Variants in TRPM6 observed in about 807,000 individuals in gnomAD.
TRPM6 encodes the protein channel kinase 2.
In TRPM6, 111 loss-of-function variants were observed where a neutral mutation model predicts 247.6. The ratio of observed to expected loss-of-function variants is 0.45; its 90% CI spans 0.38 to 0.52. The LOEUF (loss-of-function observed/expected upper bound fraction) is 0.52. Among genes scored for constraint, TRPM6 ranks in the 20% least tolerant of loss-of-function variants. TRPM6 has a pLI of 0.00. For synonymous variants in TRPM6, 892 were observed against 853.8 expected, an observed-to-expected ratio of 1.04 and a Z score of -0.78; for missense variants, 2,126 against 2,421.5, an observed-to-expected ratio of 0.88 and a Z score of 2.56.
intron 8 of TRPM6, among the ~76,000 whole-genome samples, chr9:74,820,634 G>A (rs1368785586): frequency 6.6e-6 from 1 of 152,166 alleles, no homozygotes. Context: ...GGGCATGATG[G>A]CTCACACCTG....
At chr9:74,862,096 G>GAA (rs577562437) in intron 1 of TRPM6, among the ~76,000 whole-genome samples, 28,870 of 100,326 alleles carry the variant, frequency 0.29, 4,701 homozygotes, top group South Asian at 0.39. Context: ...AAAACTACCA[G>GAA]AAAAAAAAAA....
At position 74,722,613 on chromosome 9, in the gene TRPM6, G is replaced by C. The variant is rs1332827770; in HGVS notation, c.*2000C>G. 2 of 152,164 alleles carry C rather than the reference G, an allele frequency of 1.3e-5. No homozygotes were observed. Among genetic ancestry groups the C allele is most frequent in the Admixed American group, 1.3e-4 (2 of 15,284 alleles). 9.4% of individuals were successfully genotyped at this position (152,164 alleles called of 1,614,324 possible). On this transcript the variant is annotated 3_prime_UTR_variant, in exon 39 of 39. Transcript: ENST00000360774. The stretch of plus-strand genomic sequence containing the variant: ...CAAGCAAACTCTGCCTCTTTCCATA[G>C]TTGAGTGCAGCACTGAGGTGAGTAC...
In TRPM6 at chr9:74,774,882, C is replaced by T. The variant is rs376002441; in HGVS notation, c.3403+1001G>A. ...TCAATTCTCATCAGCCTTTTTTGGC[C>T]AAATGAGTCTTTCCCCAATTTGTGA... is the stretch of plus-strand genomic sequence containing the variant. On this transcript the variant is annotated intron_variant, in intron 24 of 38. Transcript: ENST00000360774. 6.8e-4 allele frequency among the ~76,000 whole-genome samples: 103 copies of T among 152,202 alleles called. 4 individuals carry two copies. The South Asian group carries it at 9.3e-3, about 14-fold the overall frequency.
In TRPM6 at chr9:74,803,811, G is replaced by T; in HGVS notation, c.1714C>A (p.Gln572Lys). The change falls in exon 15 of 39, where the codon CAG (glutamine) becomes AAG (lysine). Residue 572 changes from glutamine to lysine, a missense_variant. By Grantham distance (53) the Gln-to-Lys change is moderately conservative (BLOSUM62 1). Transcript: ENST00000360774. ...AATGGTACCTTGAATTTGTATGGCT[G>T]TGCAGTTCTAATGAACTGGGAGTGC... ...TLHSQFIRTA[Q>K]PYKFKEKSIV... 6.2e-7 allele frequency: 1 copy of T among 1,609,878 alleles called. No homozygotes were observed. The highest frequency in any genetic ancestry group is 8.5e-7 in the Non-Finnish European group (1 of 1,176,102).
chr9:74,739,300 T>TG, intron 35 of TRPM6, 67 bp downstream of exon 35: 1 of 1,366,302 alleles, frequency 7.3e-7, no homozygotes, highest in Non-Finnish European at 1.0e-6. Flanking sequence ...TCATGAGTAA[T>TG]GGGCTGAGAA....
chr9:74,731,503 T>C (rs1312518971), intron 37 of TRPM6, among the ~76,000 whole-genome samples: 1 of 151,888 alleles, frequency 6.6e-6, no homozygotes, highest in Non-Finnish European at 1.5e-5. Context: ...TCACCTTTAT[T>C]TTCTCTAGTT....
intron 36 of TRPM6, among the ~76,000 whole-genome samples, chr9:74,738,012 T>A (rs1825748040): frequency 6.6e-6 from 1 of 152,196 alleles, no homozygotes; most frequent in Non-Finnish European, 1.5e-5. Context: ...AGCTAAATTA[T>A]AAATTGCTAA....
At chr9:74,820,867 G>A (rs915426495) in intron 8 of TRPM6, among the ~76,000 whole-genome samples, 7 of 152,102 alleles carry the variant, frequency 4.6e-5, no homozygotes, top group Admixed American at 2.6e-4. Flanking sequence ...AGAAATTATA[G>A]GTATTATATT....
At chr9:74,760,166 T>TA (rs1826575269) in intron 27 of TRPM6, among the ~76,000 whole-genome samples, 1 of 152,190 alleles carries the variant, frequency 6.6e-6, no homozygotes, top group South Asian at 2.1e-4. Context: ...AAGTCTACAG[T>TA]AGTATACAGT....
intron 1 of TRPM6, among the ~76,000 whole-genome samples, chr9:74,876,024 T>C (rs1419066363): frequency 1.3e-5 from 2 of 152,212 alleles, no homozygotes; most frequent in Non-Finnish European, 2.9e-5. Context: ...GAAAGATGTT[T>C]TCATATTCAA....
At chr9:74,869,221 A>C (rs1830949257) in intron 1 of TRPM6, among the ~76,000 whole-genome samples, 1 of 152,156 alleles carries the variant, frequency 6.6e-6, no homozygotes, top group South Asian at 2.1e-4. Flanking sequence ...CTGTAATCCC[A>C]GCACTTTGGG....
In TRPM6 at chr9:74,878,833, G is replaced by A. The variant is rs145471289; in HGVS notation, c.33+8991C>T. Among the ~76,000 whole-genome samples the A allele has an allele frequency of 2.5e-3, 383 of 152,168 alleles. 7 individuals are homozygous for A. The highest frequency in any genetic ancestry group is 8.6e-3 in the African/African-American group (357 of 41,522). The stretch of plus-strand genomic sequence containing the variant: ...AAATCAAACTAATGACATTAAAGAA[G>A]CTCAGCCAGGTGTGGTGGCTCATTC... On this transcript the variant is annotated intron_variant, in intron 1 of 38. Transcript: ENST00000360774.
At chr9:74,725,205 T>C (rs1825275306) in intron 38 of TRPM6, among the ~76,000 whole-genome samples, 1 of 152,168 alleles carries the variant, frequency 6.6e-6, no homozygotes, top group African/African-American at 2.4e-5. Flanking sequence ...TATCAGATCC[T>C]ATGCTTCCTA....
chr9:74,834,456 C>CTTA (rs113274138), intron 5 of TRPM6, among the ~76,000 whole-genome samples: 4,078 of 150,062 alleles, frequency 0.027, 142 homozygotes, highest in African/African-American at 0.081. Flanking sequence ...ATTATGAATG[C>CTTA]TTATTATTAT....
intron 1 of TRPM6, among the ~76,000 whole-genome samples, chr9:74,886,791 T>C (rs1831544973): frequency 6.6e-6 from 1 of 152,202 alleles, no homozygotes; most frequent in African/African-American, 2.4e-5. Context: ...TTATCCCATT[T>C]TCCAGATGAG....
rs78244419 is a variant in TRPM6 at position 74,848,670 on chromosome 9, A to G, written c.153-6327T>C. 3.7e-4 allele frequency among the ~76,000 whole-genome samples: 57 copies of G among 152,322 alleles called. 1 individual carries two copies. In the East Asian group the frequency reaches 9.6e-3, roughly 26 times the overall value. ...TCAACTGCCCTGCCTCCAGCTAGAT[A>G]GTAATGCCTGCAATGCCCCGCCTGA... On this transcript the variant is annotated intron_variant, in intron 3 of 38. Transcript: ENST00000360774.
intron 34 of TRPM6, 29 bp downstream of exon 34, chr9:74,739,694 G>T (rs770895488): frequency 6.2e-7 from 1 of 1,608,204 alleles, no homozygotes; most frequent in Non-Finnish European, 8.5e-7. Flanking sequence ...TGTCCCTCTG[G>T]GCTATGGGTC....
chr9:74,814,892 G>A (rs913368738), intron 11 of TRPM6, among the ~76,000 whole-genome samples: 2 of 152,094 alleles, frequency 1.3e-5, no homozygotes, highest in East Asian at 1.9e-4. Flanking sequence ...AGGTTGAAGT[G>A]AGCCGAGATC....
At chr9:74,826,732 CTTTCT>C (rs1829346606) in intron 7 of TRPM6, 3 of 118,738 alleles carry the variant, frequency 2.5e-5, no homozygotes, top group East Asian at 6.1e-4. Context: ...TTTTCTTTTT[CTTTCT>C]TTTTTTTTTT....
Sources: allele counts gnomAD v4.1 joint callset (sites outside exome capture counted in the v4.1 genomes callset), GRCh38; gene constraint gnomAD v4.1.1; transcripts MANE v1.5; gene names NCBI Gene and HGNC (gene_info 2026-07-23, HGNC 2026-07-21).